CXCL13: variants seen among roughly 807,000 people sequenced by gnomAD.
CXCL13 encodes C-X-C motif chemokine 13.
Under a neutral mutation model 12.2 loss-of-function variants are expected in CXCL13, and 7 were observed. The ratio of observed to expected loss-of-function variants is 0.57; its 90% CI spans 0.33 to 1.07. The LOEUF is 1.07. Ranked by LOEUF, CXCL13 falls within the 50% of genes least tolerant of loss-of-function variation. The pLI, the probability that CXCL13 is intolerant of heterozygous loss-of-function variation, is 0.04. For missense variants in CXCL13, 113 were observed against 127.4 expected, an observed-to-expected ratio of 0.89 and a Z score of 0.55; for synonymous variants, 47 against 42.4, an observed-to-expected ratio of 1.11 and a Z score of -0.42.
At chr4:77,594,556 T>G (rs1726699832) in intron 1 of CXCL13, among the ~76,000 whole-genome samples, 1 of 152,212 alleles carries the variant, frequency 6.6e-6, no homozygotes, top group African/African-American at 2.4e-5. Context: ...ACATTTCATG[T>G]CACAAATCCC....
intron 1 of CXCL13, among the ~76,000 whole-genome samples, chr4:77,555,705 C>A (rs1276627416): frequency 6.6e-6 from 1 of 151,968 alleles, no homozygotes; most frequent in Admixed American, 6.6e-5. Context: ...CAAGCCCCAA[C>A]AGATTTGTTG....
At chr4:77,557,333 G>A (rs74546344) in intron 1 of CXCL13, among the ~76,000 whole-genome samples, 1 of 152,148 alleles carries the variant, frequency 6.6e-6, no homozygotes. Flanking sequence ...TCATCCCAGT[G>A]TACACTTGCA....
intron 1 of CXCL13, among the ~76,000 whole-genome samples, chr4:77,561,735 G>A (rs1002058500): frequency 2.0e-5 from 3 of 152,192 alleles, no homozygotes; most frequent in Non-Finnish European, 4.4e-5. Flanking sequence ...GGCAGCCCTT[G>A]CAGCCCTTGC....
intron 1 of CXCL13, among the ~76,000 whole-genome samples, chr4:77,524,996 A>G (rs191750104): frequency 1.6e-4 from 25 of 152,344 alleles, no homozygotes; most frequent in Non-Finnish European, 2.9e-4. Flanking sequence ...TTAATCCCCA[A>G]TGCAACAGTG....
intron 1 of CXCL13, among the ~76,000 whole-genome samples, chr4:77,552,841 A>G (rs531949747): frequency 8.5e-5 from 13 of 152,222 alleles, no homozygotes; most frequent in Non-Finnish European, 1.8e-4. Flanking sequence ...AGAGGGTCCC[A>G]CTGCACCATA....
chr4:77,521,217 T>G (rs566827806), intron 1 of CXCL13, among the ~76,000 whole-genome samples: 1 of 152,246 alleles, frequency 6.6e-6, no homozygotes, highest in African/African-American at 2.4e-5. Flanking sequence ...GGTATCAGGA[T>G]GATGCTGGCC....
chr4:77,550,464 C>A (rs903443343), intron 1 of CXCL13, among the ~76,000 whole-genome samples: 5 of 152,100 alleles, frequency 3.3e-5, no homozygotes, highest in Non-Finnish European at 4.4e-5. Context: ...TAGACTGGAG[C>A]TGTTCCTATT....
intron 1 of CXCL13, among the ~76,000 whole-genome samples, chr4:77,594,589 T>A (rs1726700806): frequency 6.6e-6 from 1 of 150,480 alleles, no homozygotes; most frequent in African/African-American, 2.5e-5. Flanking sequence ...CTGGGCTCTG[T>A]TGACAGGCAG....
chr4:77,582,107 TA>T (rs1252837012), intron 1 of CXCL13, among the ~76,000 whole-genome samples: 3 of 152,198 alleles, frequency 2.0e-5, no homozygotes, highest in African/African-American at 7.2e-5. Flanking sequence ...TATAAAAATT[TA>T]AAAAGTCGGT....
intron 1 of CXCL13, among the ~76,000 whole-genome samples, chr4:77,546,829 G>A (rs1008660732): frequency 3.3e-5 from 5 of 152,122 alleles, no homozygotes; most frequent in South Asian, 4.1e-4. Flanking sequence ...TAATTGTGAT[G>A]TTAGGGTGTT....
intron 1 of CXCL13, 98 bp from the exon 2 acceptor site, chr4:77,607,604 TA>T: frequency 8.4e-7 from 1 of 1,186,302 alleles, no homozygotes; most frequent in African/African-American, 1.5e-5. Flanking sequence ...TTGAAACTTT[TA>T]AGTCTTCAAA....
At chr4:77,588,693 C>A (rs1726537682) in intron 1 of CXCL13, among the ~76,000 whole-genome samples, 1 of 152,222 alleles carries the variant, frequency 6.6e-6, no homozygotes, top group Non-Finnish European at 1.5e-5. Flanking sequence ...CTGGCTCTAT[C>A]TTCATTCTCT....
intron 1 of CXCL13, among the ~76,000 whole-genome samples, chr4:77,528,349 C>T (rs532118158): frequency 6.6e-6 from 1 of 152,308 alleles, no homozygotes; most frequent in East Asian, 1.9e-4. Context: ...TGAGGAATCA[C>T]CACACTGACT....
At chr4:77,519,403 ATC>A (rs1724518976) in intron 1 of CXCL13, among the ~76,000 whole-genome samples, 1 of 152,152 alleles carries the variant, frequency 6.6e-6, no homozygotes, top group African/African-American at 2.4e-5. Context: ...CTATTCGGCC[ATC>A]TTGGCTCCTC....
chr4:77,524,761 G>T (rs945171723), intron 1 of CXCL13, among the ~76,000 whole-genome samples: 1 of 152,234 alleles, frequency 6.6e-6, no homozygotes, highest in Non-Finnish European at 1.5e-5. Context: ...GATGAACCAG[G>T]TACCTCAGTT....
chr4:77,518,382 C>T (rs984278661), intron 1 of CXCL13, among the ~76,000 whole-genome samples: 1 of 152,174 alleles, frequency 6.6e-6, no homozygotes, highest in Non-Finnish European at 1.5e-5. Context: ...TAATATCCTG[C>T]AGAGTGTTTT....
At chr4:77,544,913 T>G (rs1725314566) in intron 1 of CXCL13, among the ~76,000 whole-genome samples, 1 of 152,220 alleles carries the variant, frequency 6.6e-6, no homozygotes, top group Admixed American at 6.5e-5. Flanking sequence ...CATCTTGAAT[T>G]AATTTTTGTA....
chr4:77,589,040 C>A (rs536294196), intron 1 of CXCL13, among the ~76,000 whole-genome samples: 1 of 152,176 alleles, frequency 6.6e-6, no homozygotes, highest in Non-Finnish European at 1.5e-5. Flanking sequence ...AGAACATATA[C>A]CTTTTGCAAT....
intron 1 of CXCL13, among the ~76,000 whole-genome samples, chr4:77,548,554 T>C (rs1020787453): frequency 1.3e-5 from 2 of 152,228 alleles, no homozygotes; most frequent in Admixed American, 1.3e-4. Context: ...TTTGGTCATT[T>C]ATAATTAGTA....
Sources: allele counts gnomAD v4.1 joint callset (sites outside exome capture counted in the v4.1 genomes callset), GRCh38; gene constraint gnomAD v4.1.1; transcripts MANE v1.5; gene names NCBI Gene and HGNC (gene_info 2026-07-23, HGNC 2026-07-21).